LRP1B: variants seen among roughly 807,000 people sequenced by gnomAD.
The protein encoded by LRP1B is LDL receptor related protein 1B, also known as low-density lipoprotein receptor-related protein 1B.
Under a neutral mutation model 556.6 loss-of-function variants are expected in LRP1B, and 217 were observed. The ratio of observed to expected loss-of-function variants is 0.39; its 90% CI spans 0.35 to 0.44. LRP1B has a LOEUF of 0.44. Ranked by LOEUF, LRP1B falls within the 20% of genes least tolerant of loss-of-function variation. The pLI is 1.00. For missense variants in LRP1B, 5,053 were observed against 5,620.8 expected, an observed-to-expected ratio of 0.90 and a Z score of 3.23; for synonymous variants, 2,047 against 1,865.8, an observed-to-expected ratio of 1.10 and a Z score of -2.50.
At chr2:140,331,477 T>C (rs972795580) in intron 79 of LRP1B, among the ~76,000 whole-genome samples, 3 of 151,924 alleles carry the variant, frequency 2.0e-5, no homozygotes, top group Admixed American at 2.0e-4. Context: ...AATGGCTCAA[T>C]ATTGGCTAAA....
chr2:140,631,689 T>C (rs1683891818), intron 41 of LRP1B, among the ~76,000 whole-genome samples: 5 of 152,118 alleles, frequency 3.3e-5, no homozygotes, highest in Non-Finnish European at 7.4e-5. Flanking sequence ...ATAATATACA[T>C]GTTATTGGAA....
intron 61 of LRP1B, among the ~76,000 whole-genome samples, chr2:140,456,889 C>T (rs1324677449): frequency 6.6e-6 from 1 of 152,024 alleles, no homozygotes; most frequent in Non-Finnish European, 1.5e-5. Context: ...AGACTAGAAG[C>T]ATTTTGGATG....
intron 2 of LRP1B, among the ~76,000 whole-genome samples, chr2:141,574,969 T>A (rs551730666): frequency 4.5e-4 from 68 of 152,100 alleles, no homozygotes; most frequent in African/African-American, 1.6e-3. Context: ...TCCAAACAAA[T>A]GGAAAAACAT....
At chr2:141,032,518 A>T (rs1355562776) in intron 11 of LRP1B, among the ~76,000 whole-genome samples, 1 of 151,954 alleles carries the variant, frequency 6.6e-6, no homozygotes. Context: ...TTCATTCTTT[A>T]ATCTGATGAA....
intron 41 of LRP1B, among the ~76,000 whole-genome samples, chr2:140,688,331 TC>T: frequency 6.6e-6 from 1 of 152,286 alleles, no homozygotes; most frequent in East Asian, 1.9e-4. Context: ...TTATTTCTTT[TC>T]CCTATTAAAT....
chr2:141,007,129 C>T (rs975664737), intron 14 of LRP1B, among the ~76,000 whole-genome samples: 6 of 151,478 alleles, frequency 4.0e-5, no homozygotes, highest in Admixed American at 1.3e-4. Context: ...TAGAGCCATA[C>T]GATAAGAGAA....
intron 31 of LRP1B, among the ~76,000 whole-genome samples, chr2:140,817,716 G>T (rs1691173914): frequency 6.6e-6 from 1 of 151,994 alleles, no homozygotes; most frequent in Non-Finnish European, 1.5e-5. Flanking sequence ...TTCATTTTAT[G>T]TGTCTCATTT....
At chr2:141,793,811 T>A (rs1379705366) in intron 2 of LRP1B, among the ~76,000 whole-genome samples, 1 of 151,938 alleles carries the variant, frequency 6.6e-6, no homozygotes, top group East Asian at 1.9e-4. Flanking sequence ...CTTTGGAATC[T>A]AAATGCATTT....
intron 2 of LRP1B, among the ~76,000 whole-genome samples, chr2:141,504,234 G>T (rs1182804519): frequency 6.6e-6 from 1 of 152,134 alleles, no homozygotes; most frequent in African/African-American, 2.4e-5. Context: ...CTTAAAGACT[G>T]TAAGTTCTCC....
intron 1 of LRP1B, among the ~76,000 whole-genome samples, chr2:141,912,621 C>T (rs1699933360): frequency 6.6e-6 from 1 of 152,018 alleles, no homozygotes; most frequent in Admixed American, 6.6e-5. Flanking sequence ...TCAGAACATG[C>T]CACTCTGGTA....
At chr2:140,833,094 C>T (rs1573779146) in intron 31 of LRP1B, among the ~76,000 whole-genome samples, 1 of 152,224 alleles carries the variant, frequency 6.6e-6, no homozygotes, top group Middle Eastern at 3.4e-3. Context: ...AAATAGTGTC[C>T]TTTCCAGTGT....
rs1292941556 is a variant in LRP1B, at chr2:140,303,691, G to A, written c.12806-5722C>T. On this transcript the variant is annotated intron_variant, in intron 83 of 90. Transcript: ENST00000389484. ...CTTTTTATTATACCTTAAATTCTAG[G>A]GTAGGTGTGCACAACATGCGGGTTT... is the stretch of plus-strand genomic sequence containing the variant. Among the ~76,000 whole-genome samples the A allele has an allele frequency of 2.6e-5, 4 of 151,762 alleles. No homozygotes were observed. In the South Asian group the frequency reaches 6.3e-4, roughly 24 times the overall value.
At chr2:141,945,912 G>C (rs957017816) in intron 1 of LRP1B, among the ~76,000 whole-genome samples, 1 of 151,746 alleles carries the variant, frequency 6.6e-6, no homozygotes, top group Non-Finnish European at 1.5e-5. Flanking sequence ...GGGAGAATGC[G>C]GTGATAAGAA....
chr2:141,602,777 A>G (rs1288323457), intron 2 of LRP1B, among the ~76,000 whole-genome samples: 1 of 152,176 alleles, frequency 6.6e-6, no homozygotes, highest in African/African-American at 2.4e-5. Flanking sequence ...TTTTTACTTT[A>G]AAAGATAATT....
intron 7 of LRP1B, among the ~76,000 whole-genome samples, chr2:141,077,015 G>T (rs138094334): frequency 6.6e-6 from 1 of 152,192 alleles, no homozygotes; most frequent in Non-Finnish European, 1.5e-5. Context: ...GGGAGGCCGA[G>T]GTGGGCAGAT....
In LRP1B at chr2:140,541,049, G is replaced by A. The variant is rs2105017057; in HGVS notation, c.7437C>T (p.Cys2479=). 1 of 1,611,322 alleles carries A rather than the reference G, an allele frequency of 6.2e-7. No homozygotes were observed. The highest frequency in any genetic ancestry group is 8.5e-7 in the Non-Finnish European group (1 of 1,178,136). The change falls in exon 45 of 91, where the codon TGC becomes TGT. Residue 2479 remains cysteine, a synonymous_variant. Transcript: ENST00000389484. ...ALLNGGCHDL[C]LLTPNGRVNC... The stretch of plus-strand genomic sequence containing the variant: ...TCACTCTCCCATTGGGAGTTAAAAG[G>A]CACAAGTCATGGCAGCCTCCATTCA...
chr2:141,791,836 T>C (rs770425443), intron 2 of LRP1B, among the ~76,000 whole-genome samples: 1 of 152,022 alleles, frequency 6.6e-6, no homozygotes, highest in Admixed American at 6.6e-5. Flanking sequence ...TATGTTATGT[T>C]CCATGCTGGT....
chr2:140,903,406 A>G (rs904477639), intron 22 of LRP1B, among the ~76,000 whole-genome samples: 1 of 152,120 alleles, frequency 6.6e-6, no homozygotes, highest in Non-Finnish European at 1.5e-5. Flanking sequence ...TCATTTCTAT[A>G]AAACTTGGGA....
chr2:141,810,513 T>C, intron 1 of LRP1B, 112 bp from the exon 2 acceptor site: 1 of 1,103,660 alleles, frequency 9.1e-7, no homozygotes, highest in South Asian at 1.6e-5. Flanking sequence ...ATGAATATGA[T>C]CCACATTTTC....
Sources: gnomAD v4.1 joint callset for allele counts (sites outside exome capture counted in the v4.1 genomes callset) on GRCh38, gnomAD v4.1.1 for gene constraint, MANE v1.5 for transcripts, NCBI Gene and HGNC (gene_info 2026-07-23, HGNC 2026-07-21) for gene names.